The following RGS8 variants were observed in gnomAD, a reference collection of about 807,000 sequenced individuals.
The protein encoded by RGS8 is regulator of G protein signaling 8, also known as regulator of G-protein signaling 8.
Under a neutral mutation model 21.7 loss-of-function variants are expected in RGS8, and 8 were observed. The ratio of observed to expected loss-of-function variants is 0.37; its 90% CI spans 0.22 to 0.66. The LOEUF is 0.66. Among genes scored for constraint, RGS8 ranks in the 30% least tolerant of loss-of-function variants. The pLI, the probability that RGS8 is intolerant of heterozygous loss-of-function variation, is 0.59. For synonymous variants in RGS8, 80 were observed against 83.6 expected, an observed-to-expected ratio of 0.96 and a Z score of 0.24; for missense variants, 157 against 217.9, an observed-to-expected ratio of 0.72 and a Z score of 1.76.
the RGS8 span, among the ~76,000 whole-genome samples, chr1:182,729,940 G>A: frequency 1.1e-4 from 16 of 152,116 alleles, no homozygotes; most frequent in Non-Finnish European, 1.9e-4. Context: ...CATAGGCCAC[G>A]CTTGGCAGAC....
upstream of RGS8, among the ~76,000 whole-genome samples, chr1:182,689,567 C>T (rs149607567): frequency 1.3e-5 from 2 of 152,150 alleles, no homozygotes; most frequent in East Asian, 3.9e-4. Flanking sequence ...AATGCAGAGC[C>T]CACTAACAGA....
the RGS8 span, among the ~76,000 whole-genome samples, chr1:182,734,012 C>A: frequency 6.6e-6 from 1 of 151,914 alleles, no homozygotes; most frequent in Admixed American, 6.6e-5. Context: ...CCTCCGCCTC[C>A]CACAGTCAAG....
upstream of RGS8, among the ~76,000 whole-genome samples, chr1:182,687,507 C>G (rs1479785543): frequency 6.6e-6 from 1 of 152,218 alleles, no homozygotes; most frequent in East Asian, 1.9e-4. Flanking sequence ...CTCTGCCAGA[C>G]TGCCCAAGGG....
chr1:182,746,015 C>T, the RGS8 span, among the ~76,000 whole-genome samples: 1 of 152,176 alleles, frequency 6.6e-6, no homozygotes, highest in Non-Finnish European at 1.5e-5. Flanking sequence ...AAGTTCTGCC[C>T]TCTAGGGTAA....
At chr1:182,683,239 G>T (rs1310344805) in intron 1 of RGS8, among the ~76,000 whole-genome samples, 1 of 152,136 alleles carries the variant, frequency 6.6e-6, no homozygotes, top group African/African-American at 2.4e-5. Context: ...TAGTTTACTG[G>T]AGTGATTGCT....
intron 1 of RGS8, among the ~76,000 whole-genome samples, chr1:182,681,245 C>T (rs1044356360): frequency 1.3e-5 from 2 of 152,208 alleles, no homozygotes; most frequent in Admixed American, 6.5e-5. Flanking sequence ...AGCTGAGAGG[C>T]AAGCATGAAA....
At chr1:182,737,811 C>G in the RGS8 span, among the ~76,000 whole-genome samples, 4 of 152,110 alleles carry the variant, frequency 2.6e-5, no homozygotes, top group African/African-American at 9.7e-5. Flanking sequence ...AGGCAGCTAC[C>G]AGCCAACAAC....
chr1:182,697,065 G>C, the RGS8 span, among the ~76,000 whole-genome samples: 2 of 152,184 alleles, frequency 1.3e-5, no homozygotes, highest in Non-Finnish European at 2.9e-5. Context: ...TTCAAGCCCA[G>C]GTTTGGATCT....
the RGS8 span, chr1:182,734,904 C>T: frequency 1.3e-5 from 2 of 152,138 alleles, no homozygotes; most frequent in African/African-American, 4.8e-5. Flanking sequence ...CCAGTATCCA[C>T]ATTAAAACAG....
chr1:182,662,958 G>T (rs558559484), intron 5 of RGS8, among the ~76,000 whole-genome samples: 3 of 152,062 alleles, frequency 2.0e-5, no homozygotes, highest in Non-Finnish European at 4.4e-5. Context: ...AATGGGGAGG[G>T]GGGGAAATAA....
At chr1:182,726,095 T>C in the RGS8 span, among the ~76,000 whole-genome samples, 6 of 152,048 alleles carry the variant, frequency 3.9e-5, no homozygotes, top group Non-Finnish European at 8.8e-5. Flanking sequence ...CTCAGCGGCT[T>C]GCAGTTTGCA....
the RGS8 span, among the ~76,000 whole-genome samples, chr1:182,744,874 C>T: frequency 1.1e-4 from 17 of 152,168 alleles, no homozygotes; most frequent in Non-Finnish European, 1.5e-5. Flanking sequence ...AGAAAGAAAC[C>T]CATACCTGTG....
At chr1:182,659,643 G>C (rs1483818290) in intron 5 of RGS8, among the ~76,000 whole-genome samples, 2 of 152,128 alleles carry the variant, frequency 1.3e-5, no homozygotes, top group African/African-American at 4.8e-5. Flanking sequence ...AGGTTGCAGT[G>C]AGCCAAGATT....
chr1:182,737,412 C>T, the RGS8 span, among the ~76,000 whole-genome samples: 1 of 152,146 alleles, frequency 6.6e-6, no homozygotes, highest in Non-Finnish European at 1.5e-5. Context: ...CGAACTGTAG[C>T]TCCCATAACC....
chr1:182,748,109 G>A, the RGS8 span, among the ~76,000 whole-genome samples: 1 of 152,088 alleles, frequency 6.6e-6, no homozygotes, highest in Non-Finnish European at 1.5e-5. Flanking sequence ...TATCATTTTT[G>A]TGATGAGACC....
At chr1:182,701,233 G>A in the RGS8 span, among the ~76,000 whole-genome samples, 1 of 152,180 alleles carries the variant, frequency 6.6e-6, no homozygotes, top group South Asian at 2.1e-4. Flanking sequence ...TCATAAATCA[G>A]CATTTTAGGA....
At chr1:182,745,476 G>A in the RGS8 span, among the ~76,000 whole-genome samples, 14 of 152,220 alleles carry the variant, frequency 9.2e-5, no homozygotes, top group African/African-American at 2.9e-4. Context: ...AACCTTGATC[G>A]GGCAACTTTG....
chr1:182,648,599 T>C lies in RGS8; in HGVS notation c.194-296A>G, dbSNP rs553638764. ...AAATACAAAAAAAATTAGCTGGGCA[T>C]GGTGGCACATGTCTATAATCCCAGC... On this transcript the variant is annotated intron_variant, in intron 5 of 6. Transcript: ENST00000483095. Among the ~76,000 whole-genome samples, 109 of 151,932 alleles carry C rather than the reference T, an allele frequency of 7.2e-4. 1 individual carries two copies. In the South Asian group the frequency reaches 0.023, roughly 32 times the overall value.
chr1:182,719,123 C>T, the RGS8 span, among the ~76,000 whole-genome samples: 2 of 152,210 alleles, frequency 1.3e-5, no homozygotes, highest in African/African-American at 2.4e-5. Flanking sequence ...TCCCAGGTAT[C>T]CCATTATTCG....
Sources: allele counts gnomAD v4.1 joint callset (sites outside exome capture counted in the v4.1 genomes callset), GRCh38; gene constraint gnomAD v4.1.1; transcripts MANE v1.5; gene names NCBI Gene and HGNC (gene_info 2026-07-23, HGNC 2026-07-21).